Variants in ELMO1 observed in about 807,000 individuals in gnomAD.
The protein encoded by ELMO1 is engulfment and cell motility protein 1.
In ELMO1, 26 loss-of-function variants were observed where a neutral mutation model predicts 98.9. The ratio of observed to expected loss-of-function variants is 0.26; its 90% CI spans 0.19 to 0.36. The LOEUF (loss-of-function observed/expected upper bound fraction) is 0.36. ELMO1 is among the 10% of genes least tolerant of loss of function. The pLI, the probability that ELMO1 is intolerant of heterozygous loss-of-function variation, is 1.00. For synonymous variants in ELMO1, 346 were observed against 346.0 expected (o/e 1.00, Z 0.00); for missense variants, 627 against 935.2 (o/e 0.67, Z 4.30).
At chr7:36,857,991 A>G (rs756026676) in intron 21 of ELMO1, among the ~76,000 whole-genome samples, 1 of 152,238 alleles carries the variant, frequency 6.6e-6, no homozygotes, top group South Asian at 2.1e-4. Context: ...CAGACAGGAT[A>G]ACTTAGAAAC....
At chr7:37,379,879 T>C (rs1288112853) in intron 1 of ELMO1, among the ~76,000 whole-genome samples, 1 of 152,216 alleles carries the variant, frequency 6.6e-6, no homozygotes, top group Admixed American at 6.5e-5. Flanking sequence ...CAGCAGCTTA[T>C]AGAGGATGCA....
At chr7:37,069,408 T>C (rs1466735456) in intron 15 of ELMO1, among the ~76,000 whole-genome samples, 1 of 152,108 alleles carries the variant, frequency 6.6e-6, no homozygotes, top group Non-Finnish European at 1.5e-5. Context: ...ACAAATCCAC[T>C]CCATCACTTC....
intron 4 of ELMO1, among the ~76,000 whole-genome samples, chr7:37,282,850 T>C (rs1271347373): frequency 1.3e-5 from 2 of 152,254 alleles, no homozygotes; most frequent in African/African-American, 4.8e-5. Context: ...ACTTTTTTCA[T>C]GCTCCTAAGT....
chr7:36,920,074 C>T (rs1258663870), intron 16 of ELMO1, among the ~76,000 whole-genome samples: 1 of 152,238 alleles, frequency 6.6e-6, no homozygotes, highest in Non-Finnish European at 1.5e-5. Context: ...AAGGGCCAAC[C>T]TCACACTTTA....
At chr7:36,925,751 C>T (rs530140777) in intron 16 of ELMO1, among the ~76,000 whole-genome samples, 1 of 152,332 alleles carries the variant, frequency 6.6e-6, no homozygotes, top group African/African-American at 2.4e-5. Context: ...ATCCAGAGCT[C>T]AGCCTGGCTA....
At chr7:37,201,214 C>G (rs1792276110) in intron 13 of ELMO1, among the ~76,000 whole-genome samples, 1 of 152,148 alleles carries the variant, frequency 6.6e-6, no homozygotes, top group South Asian at 2.1e-4. Flanking sequence ...TTGCATAACT[C>G]CCCACCAATG....
In ELMO1 at chr7:37,122,232, C is replaced by T. The variant is rs547368046; in HGVS notation, c.1191+10898G>A. Among the ~76,000 whole-genome samples the T allele has an allele frequency of 1.0e-3, 159 of 152,246 alleles. 1 individual carries two copies. Among genetic ancestry groups the T allele is most frequent in the African/African-American group, 3.5e-3 (147 of 41,528 alleles). ...ACTAGGAAGAAACTGCATCAACTAA[C>T]GAGCAAAATAACCAGCCAACATCAT... On this transcript the variant is annotated intron_variant, in intron 14 of 21. Transcript: ENST00000310758.
chr7:37,218,971 A>T (rs1363399559), intron 10 of ELMO1, among the ~76,000 whole-genome samples: 1 of 152,274 alleles, frequency 6.6e-6, no homozygotes, highest in African/African-American at 2.4e-5. Flanking sequence ...AAGGGATCTC[A>T]CCAACATATT....
intron 1 of ELMO1, among the ~76,000 whole-genome samples, chr7:37,413,039 T>C (rs1471585962): frequency 6.6e-6 from 1 of 152,200 alleles, no homozygotes; most frequent in African/African-American, 2.4e-5. Flanking sequence ...TGAAAGAGAA[T>C]AAATTATTCT....
chr7:37,206,188 T>C (rs894162483), intron 13 of ELMO1, among the ~76,000 whole-genome samples: 3 of 152,238 alleles, frequency 2.0e-5, no homozygotes, highest in African/African-American at 4.8e-5. Context: ...TCACAGACTA[T>C]GTAGCAAGCA....
intron 15 of ELMO1, among the ~76,000 whole-genome samples, chr7:37,053,850 TTGATA>T (rs748134106): frequency 5.9e-5 from 9 of 152,220 alleles, no homozygotes; most frequent in Non-Finnish European, 1.2e-4. Context: ...TATGTTTTAT[TTGATA>T]TAAGTCTACA....
At chr7:37,322,105 G>A (rs901694286) in intron 2 of ELMO1, among the ~76,000 whole-genome samples, 13 of 150,914 alleles carry the variant, frequency 8.6e-5, no homozygotes, top group African/African-American at 1.7e-4. Flanking sequence ...TGATCCGCCC[G>A]CCTTGGCCTT....
intron 1 of ELMO1, among the ~76,000 whole-genome samples, chr7:37,423,662 T>C (rs1804580290): frequency 6.6e-6 from 1 of 152,214 alleles, no homozygotes; most frequent in Non-Finnish European, 1.5e-5. Context: ...GATTCTTATT[T>C]TTTTTATATA....
chr7:37,275,017 C>G (rs1213675294), intron 4 of ELMO1, among the ~76,000 whole-genome samples: 1 of 152,110 alleles, frequency 6.6e-6, no homozygotes, highest in African/African-American at 2.4e-5. Context: ...GATAAGAAAG[C>G]AAAGCTGCTG....
At chr7:36,966,008 T>C (rs1439900173) in intron 16 of ELMO1, among the ~76,000 whole-genome samples, 2 of 152,198 alleles carry the variant, frequency 1.3e-5, no homozygotes, top group African/African-American at 4.8e-5. Flanking sequence ...TGAATATACT[T>C]CATTTATTTT....
intron 7 of ELMO1, among the ~76,000 whole-genome samples, chr7:37,239,595 G>A (rs544301442): frequency 1.6e-4 from 24 of 152,342 alleles, no homozygotes; most frequent in African/African-American, 4.3e-4. Flanking sequence ...GATTGAGTAC[G>A]AGTTTGGGCA....
intron 16 of ELMO1, among the ~76,000 whole-genome samples, chr7:36,948,805 G>A (rs773670339): frequency 1.2e-4 from 19 of 152,140 alleles, no homozygotes; most frequent in Middle Eastern, 3.4e-3. Context: ...CCCACCATAC[G>A]GCAGAGCCTC....
intron 16 of ELMO1, among the ~76,000 whole-genome samples, chr7:36,969,183 A>G (rs993992651): frequency 1.3e-5 from 2 of 151,932 alleles, no homozygotes; most frequent in Non-Finnish European, 1.5e-5. Flanking sequence ...TATTCTATAT[A>G]TTATATTTTA....
chr7:36,982,954 C>A (rs944172297), intron 16 of ELMO1, among the ~76,000 whole-genome samples: 10 of 152,194 alleles, frequency 6.6e-5, no homozygotes, highest in Admixed American at 5.9e-4. Flanking sequence ...CTGAGCTGGG[C>A]CCGCCTCCCC....
Sources: allele counts gnomAD v4.1 joint callset (sites outside exome capture counted in the v4.1 genomes callset), GRCh38; gene constraint gnomAD v4.1.1; transcripts MANE v1.5; gene names NCBI Gene and HGNC (gene_info 2026-07-23, HGNC 2026-07-21).